SAMSN1: variants seen among roughly 807,000 people sequenced by gnomAD.
SAMSN1 encodes the protein SAM domain-containing protein SAMSN-1.
A neutral mutation model predicts 42.0 loss-of-function variants in SAMSN1; 31 were observed. The ratio of observed to expected loss-of-function variants is 0.74; its 90% CI spans 0.55 to 1.00. The LOEUF (loss-of-function observed/expected upper bound fraction) is 1.00. Ranked by LOEUF, SAMSN1 falls within the 50% of genes least tolerant of loss-of-function variation. SAMSN1 has a pLI of 0.00. For synonymous variants in SAMSN1, 178 were observed against 151.9 expected (o/e 1.17, Z -1.26); for missense variants, 464 against 439.4 (o/e 1.06, Z -0.50).
At chr21:14,625,955 A>C (rs931915285) in intron 2 of SAMSN1, among the ~76,000 whole-genome samples, 2 of 152,224 alleles carry the variant, frequency 1.3e-5, no homozygotes, top group Non-Finnish European at 1.5e-5. Context: ...AACAGAACTG[A>C]GACCTCTGAA....
rs189700507 is a variant in SAMSN1 at position 14,589,811 on chromosome 21, T to C, written c.465+4202A>G. On this transcript the variant is annotated intron_variant, in intron 7 of 15. Coordinates refer to the SAMSN1 transcript ENST00000647101. ...AGCAGAAAACCCTTTGTTTTTGCTC[T>C]TCTTCTTAATTTCTGATTTGGAAAA... Among the ~76,000 whole-genome samples the C allele has an allele frequency of 1.2e-3, 187 of 152,290 alleles. 1 individual carries two copies. Among genetic ancestry groups the C allele is most frequent in the Middle Eastern group, 6.8e-3 (2 of 294 alleles).
chr21:14,577,752 C>T (rs1459789524), intron 2 of SAMSN1, among the ~76,000 whole-genome samples: 1 of 152,184 alleles, frequency 6.6e-6, no homozygotes, highest in East Asian at 1.9e-4. Flanking sequence ...AATCCCCTCT[C>T]AACACCACTC....
chr21:14,573,055 A>G (rs1981350136), intron 2 of SAMSN1, among the ~76,000 whole-genome samples: 1 of 152,178 alleles, frequency 6.6e-6, no homozygotes, highest in African/African-American at 2.4e-5. Context: ...GTGCTAAGTC[A>G]ATGGTGACCA....
At chr21:14,550,513 G>A (rs1980561957), upstream of SAMSN1, among the ~76,000 whole-genome samples, 1 of 152,048 alleles carries the variant, frequency 6.6e-6, no homozygotes, top group African/African-American at 2.4e-5. Flanking sequence ...CCAACAAGAC[G>A]TGAAATCAAG....
intron 2 of SAMSN1, 23 bp from the exon 3 acceptor site, chr21:14,517,064 A>C (rs202078427): frequency 7.0e-6 from 11 of 1,579,832 alleles, no homozygotes; most frequent in Non-Finnish European, 9.5e-6. Context: ...TGTTTACAAA[A>C]GACAAAATAA....
chr21:14,583,501 G>C, upstream of SAMSN1: 2 of 583,808 alleles, frequency 3.4e-6, no homozygotes, highest in Non-Finnish European at 6.1e-6. Context: ...AACAGATGGG[G>C]ATGTCTGTTT....
intron 7 of SAMSN1, among the ~76,000 whole-genome samples, chr21:14,498,153 T>C (rs567813249): frequency 1.8e-4 from 28 of 152,336 alleles, no homozygotes; most frequent in Middle Eastern, 6.8e-3. Context: ...CCTCAGTCTT[T>C]GGGAATGCAG....
At chr21:14,530,885 T>C (rs1979225209) in intron 1 of SAMSN1, among the ~76,000 whole-genome samples, 1 of 152,212 alleles carries the variant, frequency 6.6e-6, no homozygotes, top group Non-Finnish European at 1.5e-5. Context: ...ATTCAAAAGA[T>C]GGATGACTGA....
intron 1 of SAMSN1, among the ~76,000 whole-genome samples, chr21:14,524,295 A>G (rs1022613670): frequency 2.6e-5 from 4 of 152,196 alleles, no homozygotes; most frequent in Admixed American, 2.0e-4. Flanking sequence ...TTGTTTATAT[A>G]ATTGTAATGT....
intron 2 of SAMSN1, among the ~76,000 whole-genome samples, chr21:14,641,481 T>C (rs978293677): frequency 6.6e-6 from 1 of 152,212 alleles, no homozygotes; most frequent in Non-Finnish European, 1.5e-5. Context: ...ACAAAAGATC[T>C]GAGTTTGTAT....
chr21:14,516,951 A>C lies in SAMSN1; in HGVS notation c.220T>G (p.Ser74Ala). The C allele has an allele frequency of 6.2e-7, 1 of 1,613,550 alleles. No homozygotes were observed. The highest frequency in any genetic ancestry group is 8.5e-7 in the Non-Finnish European group (1 of 1,179,642). Residue 74 changes from serine to alanine, a missense_variant, in exon 3 of 8, where the codon TCA becomes GCA. Transcript: ENST00000400566. ...CCCACTTTTTTCTTCATTGTCCATG[A>C]AATAGCTCTCATTTTTTTACCCAAA... ...GGLGKKMRAISWTMKKKVGKK... is the reference protein window; with the variant it reads ...GGLGKKMRAIAWTMKKKVGKK...
chr21:14,503,451 G>C (rs1404225530), intron 5 of SAMSN1, among the ~76,000 whole-genome samples: 1 of 152,142 alleles, frequency 6.6e-6, no homozygotes. Context: ...TGAGCCTCAG[G>C]TGAGATCACA....
intron 5 of SAMSN1, among the ~76,000 whole-genome samples, chr21:14,509,983 CA>C (rs1385150288): frequency 6.6e-6 from 1 of 151,240 alleles, no homozygotes; most frequent in African/African-American, 2.4e-5. Context: ...ACTAAAAATA[CA>C]AAAAATTAGC....
At chr21:14,622,300 G>A (rs1460707734) in intron 2 of SAMSN1, among the ~76,000 whole-genome samples, 3 of 152,214 alleles carry the variant, frequency 2.0e-5, no homozygotes, top group African/African-American at 7.2e-5. Context: ...GAGAGAAGAA[G>A]GCTTCAGATG....
intron 2 of SAMSN1, among the ~76,000 whole-genome samples, chr21:14,576,733 C>A (rs1344320718): frequency 1.3e-5 from 2 of 152,078 alleles, no homozygotes; most frequent in Non-Finnish European, 2.9e-5. Flanking sequence ...CCTTAGATAC[C>A]TTTAAGTACA....
chr21:14,642,702 C>T (rs145628662), intron 2 of SAMSN1, among the ~76,000 whole-genome samples: 198 of 152,210 alleles, frequency 1.3e-3, no homozygotes, highest in African/African-American at 4.6e-3. Context: ...TCTTATCTTG[C>T]CTTTCTTTCT....
chr21:14,547,352 CTATT>C (rs1012637300), upstream of SAMSN1, among the ~76,000 whole-genome samples: 2 of 152,142 alleles, frequency 1.3e-5, no homozygotes, highest in Admixed American at 6.5e-5. Flanking sequence ...CCCAGAACCT[CTATT>C]TAATAGTCCT....
In SAMSN1 at chr21:14,642,966, G is replaced by GA. The variant is rs200919371; in HGVS notation, c.156+35dup. ...CAAGAGATTCTAGAACTATAATAGA[G>GA]AAAAAAAAATCCACTCCAGTCAATG... On this transcript the variant is annotated intron_variant, in intron 2 of 15. Transcript: ENST00000647101. 2.1e-3 allele frequency: 1,426 copies of GA among 686,078 alleles called. 6 individuals are homozygous for GA. The highest frequency in any genetic ancestry group is 0.018 in the African/African-American group (1,037 of 56,250). 42.5% of individuals were successfully genotyped at this position (686,078 alleles called of 1,614,324 possible). A position where few individuals can be genotyped will look rare whatever the true frequency, so the allele number is the denominator to read the frequency against.
intron 2 of SAMSN1, among the ~76,000 whole-genome samples, chr21:14,573,537 A>G (rs772538792): frequency 6.6e-6 from 1 of 152,168 alleles, no homozygotes; most frequent in East Asian, 1.9e-4. Flanking sequence ...AAATCAAAAC[A>G]AAAACAAAAA....
Sources: gnomAD v4.1 joint callset for allele counts (sites outside exome capture counted in the v4.1 genomes callset) on GRCh38, gnomAD v4.1.1 for gene constraint, MANE v1.5 for transcripts, NCBI Gene and HGNC (gene_info 2026-07-23, HGNC 2026-07-21) for gene names.